The following YWHAE variants were observed in gnomAD, a reference collection of about 807,000 sequenced individuals.
YWHAE encodes tyrosine 3-monooxygenase/tryptophan 5-monooxygenase activation protein epsilon, also known as 14-3-3 protein epsilon.
In YWHAE, 4 loss-of-function variants were observed where a neutral mutation model predicts 30.1. That is an observed-to-expected ratio of 0.13 (90% CI 0.07 to 0.30). The LOEUF (loss-of-function observed/expected upper bound fraction) is 0.30, where lower values mean the gene tolerates loss of function less well. Among genes scored for constraint, YWHAE ranks in the 10% least tolerant of loss-of-function variants. The pLI, the probability that YWHAE is intolerant of heterozygous loss-of-function variation, is 1.00. For synonymous variants in YWHAE, 118 were observed against 111.8 expected, an observed-to-expected ratio of 1.06 and a Z score of -0.35; for missense variants, 121 against 315.9, an observed-to-expected ratio of 0.38 and a Z score of 4.68.
chr17:1,391,231 A>G (rs540747584), intron 1 of YWHAE, among the ~76,000 whole-genome samples: 89 of 152,314 alleles, frequency 5.8e-4, no homozygotes, highest in Middle Eastern at 3.4e-3. Context: ...GGAGGGAGCT[A>G]GGAGGAGGAA....
intron 5 of YWHAE, among the ~76,000 whole-genome samples, chr17:1,346,524 CTGAGTACAGCTT>C (rs1033851299): frequency 6.6e-6 from 1 of 152,184 alleles, no homozygotes; most frequent in African/African-American, 2.4e-5. Context: ...AGCATTTACA[CTGAGTACAGCTT>C]TGAAACAGCC....
In YWHAE at chr17:1,394,835, C is replaced by T. The variant is rs1036472586; in HGVS notation, c.64+5212G>A. Among the ~76,000 whole-genome samples, 27 of 150,050 alleles carry T rather than the reference C, an allele frequency of 1.8e-4. No individual in the cohort carries two copies. In the East Asian group the frequency reaches 2.2e-3, roughly 12 times the overall value. On this transcript the variant is annotated intron_variant, in intron 1 of 5. Coordinates refer to ENST00000264335, the MANE Select transcript of YWHAE (RefSeq NM_006761.5). Reference sequence around the variant, plus strand: ...TACAAAAATTAGCCAGGTGCGATGGCGGGCGCCTGTAGTCCCAGCTACTCG... The same window carrying T: ...TACAAAAATTAGCCAGGTGCGATGGTGGGCGCCTGTAGTCCCAGCTACTCG...
chr17:1,355,116 T>TA (rs869230957), intron 4 of YWHAE, among the ~76,000 whole-genome samples: 1 of 17,178 alleles, frequency 5.8e-5, no homozygotes. Context: ...CAAGATTTTT[T>TA]AAAAAAAAAA....
intron 5 of YWHAE, among the ~76,000 whole-genome samples, chr17:1,352,901 A>G (rs547464415): frequency 6.6e-6 from 1 of 152,268 alleles, no homozygotes; most frequent in South Asian, 2.1e-4. Context: ...TACCAGCACC[A>G]CCACCACCAA....
In YWHAE at chr17:1,400,161, T is replaced by C. The variant is rs1480036467; in HGVS notation, c.-51A>G. The C allele has an allele frequency of 6.2e-7, 1 of 1,603,670 alleles. No homozygotes were observed. Among genetic ancestry groups the C allele is most frequent in the African/African-American group, 1.3e-5 (1 of 74,856 alleles). On this transcript the variant is annotated 5_prime_UTR_variant, in exon 1 of 6. Coordinates refer to ENST00000264335, the MANE Select transcript of YWHAE (RefSeq NM_006761.5). ...GCGCGACGGATGGAAGCGGATAGTG[T>C]CTCCGACTCTCTCAGCCTCTCGCTC...
chr17:1,358,283 A>C (rs2072792576), intron 4 of YWHAE, among the ~76,000 whole-genome samples: 1 of 152,030 alleles, frequency 6.6e-6, no homozygotes, highest in South Asian at 2.1e-4. Flanking sequence ...TCTGTCGCCC[A>C]GGCTGGAGTG....
chr17:1,352,817 G>A (rs908265618), intron 5 of YWHAE, among the ~76,000 whole-genome samples: 3 of 152,232 alleles, frequency 2.0e-5, no homozygotes, highest in East Asian at 3.9e-4. Context: ...GAGCCACCGC[G>A]CCCGGCACAG....
intron 4 of YWHAE, among the ~76,000 whole-genome samples, chr17:1,360,020 T>C (rs2150848647): frequency 6.6e-6 from 1 of 151,812 alleles, no homozygotes; most frequent in African/African-American, 2.4e-5. Context: ...TACAGTGTAC[T>C]GGTGCAATCG....
Position 1,344,905 on chromosome 17 carries a change from T to A in YWHAE, c.*542A>T. The A allele has an allele frequency of 4.3e-6, 1 of 233,578 alleles. No homozygotes were observed. Among genetic ancestry groups the A allele is most frequent in the Non-Finnish European group, 8.5e-6 (1 of 118,022 alleles). The allele number at this position is 233,578 out of a possible 1,614,324, so 14.5% of individuals were successfully genotyped here. ...CTTTTCAGCAACATTTCAGCGGAGT[T>A]GGAAACATTTTTTACAGCAAAACCA... On this transcript the variant is annotated 3_prime_UTR_variant, in exon 6 of 6. Transcript: ENST00000264335.
At chr17:1,388,895 C>T (rs1346988852) in intron 1 of YWHAE, among the ~76,000 whole-genome samples, 1 of 152,052 alleles carries the variant, frequency 6.6e-6, no homozygotes, top group Admixed American at 6.6e-5. Context: ...CACGGTAATC[C>T]TATCATAAAT....
At position 1,375,827 on chromosome 17, in the gene YWHAE, T is replaced by C. The variant is rs141111345; in HGVS notation, c.65-10769A>G. Among the ~76,000 whole-genome samples the C allele has an allele frequency of 5.2e-3, 796 of 152,334 alleles. 5 individuals are homozygous for C. Among genetic ancestry groups the C allele is most frequent in the Non-Finnish European group, 8.2e-3 (557 of 68,022 alleles). On this transcript the variant is annotated intron_variant, in intron 1 of 5. Transcript: ENST00000264335. ...CCTTGACTTGTTAACTGAGGTTTGG[T>C]TTGTGGTTGTGTTCTTTCAACTATG...
chr17:1,383,294 G>A (rs1025270841), intron 1 of YWHAE, among the ~76,000 whole-genome samples: 3 of 151,966 alleles, frequency 2.0e-5, no homozygotes, highest in African/African-American at 4.8e-5. Flanking sequence ...AGGTTTCCGC[G>A]AGCTGAGATC....
intron 1 of YWHAE, among the ~76,000 whole-genome samples, chr17:1,382,347 C>CTTT (rs546696128): frequency 2.8e-4 from 34 of 119,314 alleles, no homozygotes; most frequent in East Asian, 9.9e-4. Flanking sequence ...CGCGCCCGGC[C>CTTT]TTTTTTTTTT....
chr17:1,387,370 T>G (rs1046271380), intron 1 of YWHAE, among the ~76,000 whole-genome samples: 1 of 152,138 alleles, frequency 6.6e-6, no homozygotes, highest in Admixed American at 6.5e-5. Flanking sequence ...GGGAGATCAA[T>G]GACCTAAAAC....
At chr17:1,358,221 T>A (rs1234724453) in intron 4 of YWHAE, among the ~76,000 whole-genome samples, 1 of 152,020 alleles carries the variant, frequency 6.6e-6, no homozygotes, top group African/African-American at 2.4e-5. Context: ...AGACCCTGCC[T>A]CTACAAAACA....
At chr17:1,361,851 TA>T (rs751907102) in intron 3 of YWHAE, 50 bp downstream of exon 3, 2 of 1,315,988 alleles carry the variant, frequency 1.5e-6, no homozygotes, top group Non-Finnish European at 2.1e-6. Context: ...GTTATGGTTC[TA>T]AAAGGACCAA....
At chr17:1,362,029 T>C (rs1194969024) in intron 2 of YWHAE, 21 bp from the exon 3 acceptor site, 1 of 1,413,870 alleles carries the variant, frequency 7.1e-7, no homozygotes, top group African/African-American at 1.5e-5. Context: ...AAAAATTTTT[T>C]TTAAATCAGA....
In YWHAE at chr17:1,364,563, G is replaced by A. The variant is rs7207904; in HGVS notation, c.264+296C>T. 0.42 allele frequency among the ~76,000 whole-genome samples: 63,443 copies of A among 151,880 alleles called. 13,502 individuals are homozygous for A. The highest frequency in any genetic ancestry group is 0.57 in the Admixed American group (8,652 of 15,240). On this transcript the variant is annotated intron_variant, in intron 2 of 5. Transcript: ENST00000264335. The stretch of plus-strand genomic sequence containing the variant: ...TTTTTTAAAAAACAGTCATCATTTT[G>A]CTTGAAAATACAATAGTTCCCCCTT...
chr17:1,377,547 G>A (rs1043928369), intron 1 of YWHAE, among the ~76,000 whole-genome samples: 3 of 152,108 alleles, frequency 2.0e-5, no homozygotes, highest in Admixed American at 6.6e-5. Context: ...CCAGGAGTCC[G>A]AGGCCACAGT....
Sources: allele counts gnomAD v4.1 joint callset (sites outside exome capture counted in the v4.1 genomes callset), GRCh38; gene constraint gnomAD v4.1.1; transcripts MANE v1.5; gene names NCBI Gene and HGNC (gene_info 2026-07-23, HGNC 2026-07-21).